The following ALDH18A1 variants were observed in gnomAD, a reference collection of about 807,000 sequenced individuals.
ALDH18A1 encodes aldehyde dehydrogenase 18 family member A1, also known as delta-1-pyrroline-5-carboxylate synthase.
Under a neutral mutation model 88.8 loss-of-function variants are expected in ALDH18A1, and 44 were observed. The ratio of observed to expected loss-of-function variants is 0.50; its 90% CI spans 0.39 to 0.64. The LOEUF (loss-of-function observed/expected upper bound fraction) is 0.64, where lower values mean the gene tolerates loss of function less well. ALDH18A1 is among the 30% of genes least tolerant of loss of function. ALDH18A1 has a pLI of 0.00. For missense variants in ALDH18A1, 782 were observed against 1,009.5 expected (o/e 0.77, Z 3.05); for synonymous variants, 331 against 372.1 (o/e 0.89, Z 1.27).
At chr10:95,642,961 AG>A (rs1436994501) in intron 3 of ALDH18A1, 30 bp downstream of exon 3, 1 of 1,610,134 alleles carries the variant, frequency 6.2e-7, no homozygotes. Context: ...ACCCAATTTT[AG>A]TACAGCATAA....
chr10:95,634,975 A>G (rs1454333457), intron 5 of ALDH18A1, among the ~76,000 whole-genome samples: 4 of 152,196 alleles, frequency 2.6e-5, no homozygotes, highest in Non-Finnish European at 5.9e-5. Context: ...GGGTCTGGCT[A>G]TGGTAACTGA....
At chr10:95,621,586 A>T (rs1472340501) in intron 11 of ALDH18A1, among the ~76,000 whole-genome samples, 1 of 152,000 alleles carries the variant, frequency 6.6e-6, no homozygotes, top group Non-Finnish European at 1.5e-5. Context: ...TGCTGGGATT[A>T]CAAGTGCGAG....
At chr10:95,628,605 C>A in intron 7 of ALDH18A1, 113 bp from the exon 8 acceptor site, 1 of 1,296,528 alleles carries the variant, frequency 7.7e-7, no homozygotes, top group Admixed American at 1.9e-5. Context: ...ATGAATTCCA[C>A]TGCACTACCA....
In ALDH18A1 at chr10:95,620,404, C is replaced by T. The variant is rs1014919455; in HGVS notation, c.1467+627G>A. ...CCTCAAGGATCTAGAACTAGAAATA[C>T]GATTTGACCCAGCCATCCCATTACT... is the stretch of plus-strand genomic sequence containing the variant. On this transcript the variant is annotated intron_variant, in intron 12 of 17. Transcript: ENST00000371224. Among the ~76,000 whole-genome samples, 4 of 152,152 alleles carry T rather than the reference C, an allele frequency of 2.6e-5. 1 individual carries two copies. The highest frequency in any genetic ancestry group is 4.4e-5 in the Non-Finnish European group (3 of 68,038).
At chr10:95,637,583 C>T (rs1310154939) in intron 3 of ALDH18A1, 147 bp from the exon 4 acceptor site, 6 of 950,548 alleles carry the variant, frequency 6.3e-6, no homozygotes, top group Non-Finnish European at 9.5e-6. Context: ...AAGAATCAGC[C>T]AGATTGGTAA....
chr10:95,610,632 A>C (rs1164825507), intron 16 of ALDH18A1, among the ~76,000 whole-genome samples: 1 of 152,206 alleles, frequency 6.6e-6, no homozygotes. Context: ...GCAGGTGTAC[A>C]AAACTCTCTG....
chr10:95,606,244 C>T lies in ALDH18A1; in HGVS notation c.*518G>A, dbSNP rs1025913780. 1.0e-6 allele frequency: 1 copy of T among 996,008 alleles called. No individual in the cohort carries two copies. The highest frequency in any genetic ancestry group is 5.4e-5 in the Admixed American group (1 of 18,440). 61.7% of individuals were successfully genotyped at this position (996,008 alleles called of 1,614,324 possible). On this transcript the variant is annotated 3_prime_UTR_variant, in exon 18 of 18. Transcript: ENST00000371224. Reference sequence around the variant, plus strand: ...AAATAAATACAAAAGGTCAATCTTCCCAGTGGAAATGATTCCATCGATTTT... The same window carrying T: ...AAATAAATACAAAAGGTCAATCTTCTCAGTGGAAATGATTCCATCGATTTT...
chr10:95,632,887 G>T, intron 7 of ALDH18A1, 72 bp downstream of exon 7: 1 of 1,319,370 alleles, frequency 7.6e-7, no homozygotes, highest in Non-Finnish European at 1.1e-6. Context: ...AAAGAAAGAG[G>T]GAAACTCATG....
At chr10:95,618,120 A>G (rs1589495776) in intron 12 of ALDH18A1, among the ~76,000 whole-genome samples, 1 of 152,130 alleles carries the variant, frequency 6.6e-6, no homozygotes, top group East Asian at 1.9e-4. Context: ...CTTTGGGGCT[A>G]GTGCAAAGGA....
intron 1 of ALDH18A1, 83 bp from the exon 2 acceptor site, chr10:95,653,488 G>A (rs560847130): frequency 8.8e-5 from 105 of 1,197,926 alleles, no homozygotes; most frequent in African/African-American, 2.7e-4. Context: ...CCTTACCCTC[G>A]GAGTAAAAAT....
intron 1 of ALDH18A1, 43 bp from the exon 2 acceptor site, chr10:95,653,448 G>A (rs2097913520): frequency 2.0e-6 from 3 of 1,499,958 alleles, no homozygotes; most frequent in Non-Finnish European, 2.8e-6. Flanking sequence ...GAAAAATACT[G>A]GACAATTCAT....
intron 6 of ALDH18A1, 47 bp downstream of exon 6, chr10:95,633,444 G>A: frequency 1.2e-6 from 2 of 1,605,606 alleles, no homozygotes; most frequent in Non-Finnish European, 8.5e-7. Context: ...GCATAGCATG[G>A]TGTTAGTGTC....
intron 11 of ALDH18A1, among the ~76,000 whole-genome samples, chr10:95,623,150 C>T (rs2097855469): frequency 6.6e-6 from 1 of 152,064 alleles, no homozygotes; most frequent in Non-Finnish European, 1.5e-5. Context: ...ATTTTCTTTA[C>T]TTTTCCCCAT....
chr10:95,608,463 A>G (rs1020280450), intron 17 of ALDH18A1, among the ~76,000 whole-genome samples: 1 of 152,248 alleles, frequency 6.6e-6, no homozygotes, highest in Non-Finnish European at 1.5e-5. Flanking sequence ...CAGGCAGATC[A>G]TCTACTCAAA....
chr10:95,651,368 G>C (rs571011606), intron 2 of ALDH18A1, among the ~76,000 whole-genome samples: 2 of 152,318 alleles, frequency 1.3e-5, no homozygotes, highest in Non-Finnish European at 2.9e-5. Context: ...GTGCTAGTAG[G>C]AATGTAAAAT....
chr10:95,627,662 T>C (rs2097862361), intron 8 of ALDH18A1, 76 bp from the exon 9 acceptor site: 5 of 1,557,250 alleles, frequency 3.2e-6, no homozygotes, highest in East Asian at 2.2e-5. Context: ...CAAAAAGATA[T>C]AAAATACAAG....
chr10:95,623,661 G>A (rs977237174), intron 11 of ALDH18A1, among the ~76,000 whole-genome samples: 4 of 152,130 alleles, frequency 2.6e-5, no homozygotes, highest in African/African-American at 9.7e-5. Context: ...TGCCTCCCGA[G>A]TTCAAGCGAT....
At position 95,606,295 on chromosome 10, in the gene ALDH18A1, AAAG is replaced by A. The variant is rs374977354; in HGVS notation, c.*464_*466del. 238 of 1,002,850 alleles carry A rather than the reference AAAG, an allele frequency of 2.4e-4. 1 individual carries two copies. The African/African-American group carries it at 4.0e-3, about 17-fold the overall frequency. 62.1% of individuals were successfully genotyped at this position (1,002,850 alleles called of 1,614,324 possible). ...TGTGACTTTCTGATGAGAATGCTAA[AAAG>A]AAGAGTTGCCCCTTTTCTAAAATTC... On this transcript the variant is annotated 3_prime_UTR_variant, in exon 18 of 18. Coordinates refer to ENST00000371224, the MANE Select transcript of ALDH18A1 (RefSeq NM_002860.4).
chr10:95,608,957 C>T (rs1209262417), intron 17 of ALDH18A1, among the ~76,000 whole-genome samples: 1 of 152,218 alleles, frequency 6.6e-6, no homozygotes, highest in Non-Finnish European at 1.5e-5. Flanking sequence ...CTCACTGCAA[C>T]CTCTGCCTCC....
Sources: allele counts gnomAD v4.1 joint callset (sites outside exome capture counted in the v4.1 genomes callset), GRCh38; gene constraint gnomAD v4.1.1; transcripts MANE v1.5; gene names NCBI Gene and HGNC (gene_info 2026-07-23, HGNC 2026-07-21).